The following TFAP2D variants were observed in gnomAD, a reference collection of about 807,000 sequenced individuals.
TFAP2D encodes the protein transcription factor AP-2 delta.
A neutral mutation model predicts 43.6 loss-of-function variants in TFAP2D; 9 were observed. The observed-to-expected ratio is 0.21, with a 90% CI of 0.12 to 0.36. The LOEUF (loss-of-function observed/expected upper bound fraction) is 0.36. Among genes scored for constraint, TFAP2D ranks in the 10% least tolerant of loss-of-function variants. The pLI is 1.00. For missense variants in TFAP2D, 513 were observed against 561.4 expected (o/e 0.91, Z 0.87); for synonymous variants, 256 against 224.9 (o/e 1.14, Z -1.24).
At chr6:50,758,055 A>G (rs1380066778) in intron 7 of TFAP2D, among the ~76,000 whole-genome samples, 1 of 151,418 alleles carries the variant, frequency 6.6e-6, no homozygotes, top group Non-Finnish European at 1.5e-5. Context: ...CAGGGCCATG[A>G]TGTTTTAATT....
chr6:50,721,516 C>A lies in TFAP2D; in HGVS notation c.598+2366C>A, dbSNP rs938856744. Among the ~76,000 whole-genome samples, 5 of 152,260 alleles carry A rather than the reference C, an allele frequency of 3.3e-5. No individual in the cohort carries two copies. The East Asian group carries it at 9.6e-4, about 29-fold the overall frequency. Reference sequence around the variant, plus strand: ...AGGGCGTATATTTTGCTGCAGCCTGCCCAGCCCCTCATCTCAGAACTTCCT... The same window carrying A: ...AGGGCGTATATTTTGCTGCAGCCTGACCAGCCCCTCATCTCAGAACTTCCT... On this transcript the variant is annotated intron_variant, in intron 3 of 7. Coordinates refer to ENST00000008391, the MANE Select transcript of TFAP2D (RefSeq NM_172238.4).
rs369988646 is a variant in TFAP2D at position 50,713,908 on chromosome 6, G to A, written c.-148G>A. ...TACGAGGCAAGGAGCTATCTGATCCGGGCAAAACCATTACAATTTAGATAT... is the reference window on the plus strand; with the variant it reads ...TACGAGGCAAGGAGCTATCTGATCCAGGCAAAACCATTACAATTTAGATAT... On this transcript the variant is annotated 5_prime_UTR_variant, in exon 1 of 8. Coordinates refer to ENST00000008391, the MANE Select transcript of TFAP2D (RefSeq NM_172238.4). The A allele has an allele frequency of 5.5e-6, 7 of 1,261,992 alleles. No homozygotes were observed. Among genetic ancestry groups the A allele is most frequent in the East Asian group, 2.4e-5 (1 of 41,812 alleles). The allele number at this position is 1,261,992 out of a possible 1,614,324, so 78.2% of individuals were successfully genotyped here. A position where few individuals can be genotyped will look rare whatever the true frequency, so the allele number is the denominator to read the frequency against.
chr6:50,748,697 A>G (rs1407895835), intron 6 of TFAP2D, among the ~76,000 whole-genome samples: 1 of 151,914 alleles, frequency 6.6e-6, no homozygotes, highest in African/African-American at 2.4e-5. Flanking sequence ...AAACGTGTTT[A>G]TTTGGTTAAT....
chr6:50,768,586 A>G (rs545479702), intron 7 of TFAP2D, among the ~76,000 whole-genome samples: 30 of 152,256 alleles, frequency 2.0e-4, no homozygotes, highest in African/African-American at 7.0e-4. Flanking sequence ...ATGTTCCCAG[A>G]ACTTTTTAAA....
rs916458654 is a variant in TFAP2D at position 50,745,360 on chromosome 6, G to A, written c.1025+112G>A. 7 of 1,445,716 alleles carry A rather than the reference G, an allele frequency of 4.8e-6. No homozygotes were observed. In the African/African-American group the frequency reaches 1.0e-4, roughly 21 times the overall value. The allele number at this position is 1,445,716 out of a possible 1,614,324, so 89.6% of individuals were successfully genotyped here. A position where few individuals can be genotyped will look rare whatever the true frequency, so the allele number is the denominator to read the frequency against. ...GCACCCGTTCTCTAAAACAAGGAAG[G>A]TCTCACACACAAGCAGCTAGATATA... On this transcript the variant is annotated intron_variant, in intron 6 of 7. Coordinates refer to ENST00000008391, the MANE Select transcript of TFAP2D (RefSeq NM_172238.4).
chr6:50,719,191 C>T, intron 3 of TFAP2D, 41 bp downstream of exon 3: 1 of 1,586,702 alleles, frequency 6.3e-7, no homozygotes, highest in African/African-American at 1.3e-5. Context: ...AGACATTCTT[C>T]TCCTATCTCT....
At chr6:50,724,693 A>G (rs1041109689) in intron 3 of TFAP2D, among the ~76,000 whole-genome samples, 1 of 152,066 alleles carries the variant, frequency 6.6e-6, no homozygotes, top group Non-Finnish European at 1.5e-5. Context: ...GCCTGGGATG[A>G]GAAGAGAAAA....
At chr6:50,768,320 C>T (rs1024058794) in intron 7 of TFAP2D, among the ~76,000 whole-genome samples, 15 of 36,166 alleles carry the variant, frequency 4.1e-4, no homozygotes, top group Admixed American at 9.0e-4. Flanking sequence ...CTCTCCTTTT[C>T]TTTTTTCTCT....
chr6:50,751,134 C>A, intron 6 of TFAP2D, 77 bp from the exon 7 acceptor site: 1 of 1,001,832 alleles, frequency 1.0e-6, no homozygotes, highest in East Asian at 2.6e-5. Flanking sequence ...GAGAACAAGC[C>A]TTTGGTTAAA....
chr6:50,730,484 T>A (rs1315404818), intron 5 of TFAP2D, among the ~76,000 whole-genome samples: 1 of 151,834 alleles, frequency 6.6e-6, no homozygotes, highest in Non-Finnish European at 1.5e-5. Context: ...TAACCTATCA[T>A]ACACCCACAT....
intron 3 of TFAP2D, among the ~76,000 whole-genome samples, chr6:50,724,954 T>C (rs1768787322): frequency 6.6e-6 from 1 of 151,946 alleles, no homozygotes; most frequent in South Asian, 2.1e-4. Flanking sequence ...AGAGCAAGTG[T>C]GAGCATCTTC....
intron 5 of TFAP2D, among the ~76,000 whole-genome samples, chr6:50,742,868 C>T (rs1451017267): frequency 6.6e-6 from 1 of 150,912 alleles, no homozygotes; most frequent in African/African-American, 2.4e-5. Flanking sequence ...ATTTTTACTT[C>T]CAAATTTGAA....
intron 7 of TFAP2D, among the ~76,000 whole-genome samples, chr6:50,772,325 GC>G (rs1489643069): frequency 1.2e-4 from 18 of 152,208 alleles, no homozygotes; most frequent in Admixed American, 5.9e-4. Context: ...CACCAAGCTG[GC>G]ACATGTATAC....
chr6:50,728,784 A>G, intron 3 of TFAP2D, 72 bp from the exon 4 acceptor site: 1 of 1,476,522 alleles, frequency 6.8e-7, no homozygotes, highest in Non-Finnish European at 9.3e-7. Context: ...TAGTCTTTTG[A>G]TGTTAACTGC....
At chr6:50,742,758 T>TA (rs990100504) in intron 5 of TFAP2D, among the ~76,000 whole-genome samples, 1 of 152,194 alleles carries the variant, frequency 6.6e-6, no homozygotes, top group Non-Finnish European at 1.5e-5. Context: ...CTGATGGTAT[T>TA]ATCCTGTTAG....
rs570083409 is a variant in TFAP2D at position 50,713,914 on chromosome 6, A to T, written c.-142A>T. On this transcript the variant is annotated 5_prime_UTR_variant, in exon 1 of 8. Coordinates refer to ENST00000008391, the MANE Select transcript of TFAP2D (RefSeq NM_172238.4). ...GCAAGGAGCTATCTGATCCGGGCAA[A>T]ACCATTACAATTTAGATATCTACCT... 1 of 1,317,486 alleles carries T rather than the reference A, an allele frequency of 7.6e-7. No individual in the cohort carries two copies. The highest frequency in any genetic ancestry group is 1.3e-5 in the South Asian group (1 of 79,584). 81.6% of individuals were successfully genotyped at this position (1,317,486 alleles called of 1,614,324 possible).
At chr6:50,772,178 T>G (rs978707770) in intron 7 of TFAP2D, among the ~76,000 whole-genome samples, 1 of 149,634 alleles carries the variant, frequency 6.7e-6, no homozygotes, top group Non-Finnish European at 1.5e-5. Flanking sequence ...CACTCATAGG[T>G]GGGAATTGAA....
chr6:50,723,892 G>C (rs1313882625), intron 3 of TFAP2D, among the ~76,000 whole-genome samples: 3 of 151,964 alleles, frequency 2.0e-5, no homozygotes. Context: ...TTAAACCAGC[G>C]AGTCTCTTCA....
intron 5 of TFAP2D, among the ~76,000 whole-genome samples, chr6:50,737,589 T>C (rs973628546): frequency 6.6e-6 from 1 of 152,164 alleles, no homozygotes; most frequent in Non-Finnish European, 1.5e-5. Flanking sequence ...AAAACAAATG[T>C]TATTAGTTGA....
Sources: gnomAD v4.1 joint callset for allele counts (sites outside exome capture counted in the v4.1 genomes callset) on GRCh38, gnomAD v4.1.1 for gene constraint, MANE v1.5 for transcripts, NCBI Gene and HGNC (gene_info 2026-07-23, HGNC 2026-07-21) for gene names.